The following HNRNPA2B1 variants were observed in gnomAD, a reference collection of about 807,000 sequenced individuals.
HNRNPA2B1 encodes heterogeneous nuclear ribonucleoprotein A2/B1.
A neutral mutation model predicts 46.3 loss-of-function variants in HNRNPA2B1; 3 were observed. That is an observed-to-expected ratio of 0.06 (90% CI 0.03 to 0.17). HNRNPA2B1 has a LOEUF of 0.17. HNRNPA2B1 is among the 10% of genes least tolerant of loss of function. The probability of loss-of-function intolerance (pLI) is 1.00; values close to 1 mark genes in which losing one functional copy is unlikely to be tolerated. For missense variants in HNRNPA2B1, 221 were observed against 418.9 expected (o/e 0.53, Z 4.12); for synonymous variants, 225 against 133.8 (o/e 1.68, Z -4.70).
rs562669302 is a variant in HNRNPA2B1, at chr7:26,197,413, T to G, written c.166A>C (p.Thr56Pro). Reference protein sequence around the residue: ...SKRSRGFGFVTFSSMAEVDAA... With the variant: ...SKRSRGFGFVPFSSMAEVDAA... ...TCAACCTCAGCCATGGATGAAAAAG[T>G]TACAAAACCAAATCCTCTTGATCTT... Residue 56 changes from threonine to proline, a missense_variant, in exon 3 of 11, where the codon ACT (threonine) becomes CCT (proline). By Grantham distance (38) the Thr-to-Pro change is conservative. Around this residue, in one of 2 missense-constraint regions of HNRNPA2B1, gnomAD observed 78 missense variants for 218.5 expected, o/e 0.36. Transcript: ENST00000618183. 1 of 1,614,110 alleles carries G rather than the reference T, an allele frequency of 6.2e-7. No homozygotes were observed. The highest frequency in any genetic ancestry group is 1.3e-5 in the African/African-American group (1 of 75,028).
At position 26,200,672 on chromosome 7, in the gene HNRNPA2B1, T is replaced by A. The variant is rs529241478; in HGVS notation, c.-95A>T. 6.8e-7 allele frequency: 1 copy of A among 1,475,268 alleles called. No homozygotes were observed. Among genetic ancestry groups the A allele is most frequent in the Non-Finnish European group, 9.5e-7 (1 of 1,057,756 alleles). The allele number at this position is 1,475,268 out of a possible 1,614,324, so 91.4% of individuals were successfully genotyped here. On this transcript the variant is annotated 5_prime_UTR_variant, in exon 1 of 11. Transcript: ENST00000618183. ...ACGAACCGGACTCGTCCTGGCGCTG[T>A]AGTGAGAACTGCCGCTGCTCGAGAA... is the stretch of plus-strand genomic sequence containing the variant.
chr7:26,195,518 C>A (rs1325581840), intron 7 of HNRNPA2B1, among the ~76,000 whole-genome samples: 2 of 152,184 alleles, frequency 1.3e-5, no homozygotes, highest in African/African-American at 2.4e-5. Context: ...ATATACCACC[C>A]CCTTAGGTTT....
At chr7:26,199,047 A>ATAGT (rs1319458464) in intron 1 of HNRNPA2B1, 1 of 152,240 alleles carries the variant, frequency 6.6e-6, no homozygotes, top group Non-Finnish European at 1.5e-5. Context: ...ACTTGTCACG[A>ATAGT]TAGTTATTTT....
At chr7:26,197,276 T>C (rs779849323) in intron 3 of HNRNPA2B1, 39 bp downstream of exon 3, 1 of 1,560,780 alleles carries the variant, frequency 6.4e-7, no homozygotes, top group East Asian at 2.3e-5. Flanking sequence ...AGGGCAGCGT[T>C]CTTCATGTTA....
chr7:26,195,750 A>G lies in HNRNPA2B1; in HGVS notation c.721+97T>C, dbSNP rs1303106920. 3.7e-6 allele frequency: 5 copies of G among 1,363,872 alleles called. No individual in the cohort carries two copies. In the Admixed American group the frequency reaches 1.0e-4, roughly 28 times the overall value. The allele number at this position is 1,363,872 out of a possible 1,614,324, so 84.5% of individuals were successfully genotyped here. A position where few individuals can be genotyped will look rare whatever the true frequency, so the allele number is the denominator to read the frequency against. On this transcript the variant is annotated intron_variant, in intron 7 of 10. Coordinates refer to ENST00000618183, the MANE Select transcript of HNRNPA2B1 (RefSeq NM_002137.4). ...ACCCAAGCCATTTATAGACACTAAT[A>G]TAAAATGTTTAAAAACTCAAAATAT...
At chr7:26,193,404 A>G in intron 8 of HNRNPA2B1, 31 bp from the exon 9 acceptor site, 1 of 1,600,996 alleles carries the variant, frequency 6.2e-7, no homozygotes, top group South Asian at 1.1e-5. Flanking sequence ...TCAGAACAAT[A>G]CAAACATTAA....
In HNRNPA2B1 at chr7:26,196,666, G is replaced by T. The variant is rs753120818; in HGVS notation, c.476-8C>A. ...TGGTATGGTATTTCTGCACTGGAATGAAAAATTCAGACTCCTTTTAAATTA... is the reference window on the plus strand; with the variant it reads ...TGGTATGGTATTTCTGCACTGGAATTAAAAATTCAGACTCCTTTTAAATTA... On this transcript the variant is annotated splice_polypyrimidine_tract_variant and splice_region_variant and intron_variant, in intron 4 of 10. Coordinates refer to ENST00000618183, the MANE Select transcript of HNRNPA2B1 (RefSeq NM_002137.4). 1.9e-6 allele frequency: 3 copies of T among 1,604,694 alleles called. No individual in the cohort carries two copies. Among genetic ancestry groups the T allele is most frequent in the South Asian group, 1.1e-5 (1 of 90,140 alleles).
At chr7:26,195,119 AT>A (rs948226608) in intron 7 of HNRNPA2B1, among the ~76,000 whole-genome samples, 2 of 128,666 alleles carry the variant, frequency 1.6e-5, no homozygotes, top group Non-Finnish European at 3.2e-5. Flanking sequence ...AAGAAACCAT[AT>A]TAAAAAAAAA....
rs111941879 is a variant in HNRNPA2B1, at chr7:26,195,972, A to ATT, written c.659-65_659-64dup. 47,497 of 1,534,270 alleles carry ATT rather than the reference A, an allele frequency of 0.031. 855 individuals are homozygous for ATT. The highest frequency in any genetic ancestry group is 0.053 in the Middle Eastern group (301 of 5,702). On this transcript the variant is annotated intron_variant, in intron 6 of 10. Transcript: ENST00000618183. ...CTGTTCAGCATTATTGCTAATATTC[A>ATT]TTTTCAGTTCTCTTACTACCTCAGC...
At chr7:26,193,721 T>C (rs745306574) in intron 7 of HNRNPA2B1, 27 bp from the exon 8 acceptor site, 3 of 1,590,750 alleles carry the variant, frequency 1.9e-6, no homozygotes, top group Non-Finnish European at 1.7e-6. Context: ...CTTTAAGTAA[T>C]CACTTAATAT....
chr7:26,193,557 T>A lies in HNRNPA2B1; in HGVS notation c.841+18A>T, dbSNP rs1222216071. Reference sequence around the variant, plus strand: ...TAATTCCAAATTCCCACATAAAGGTTGCAGGTGAATTTATTACCTCCTCCA... The same window carrying A: ...TAATTCCAAATTCCCACATAAAGGTAGCAGGTGAATTTATTACCTCCTCCA... On this transcript the variant is annotated intron_variant, in intron 8 of 10. Coordinates refer to ENST00000618183, the MANE Select transcript of HNRNPA2B1 (RefSeq NM_002137.4). 6.3e-7 allele frequency: 1 copy of A among 1,574,984 alleles called. No individual in the cohort carries two copies. Among genetic ancestry groups the A allele is most frequent in the Non-Finnish European group, 8.6e-7 (1 of 1,167,536 alleles).
In HNRNPA2B1 at chr7:26,200,599, C is replaced by T. The variant is rs1479628006; in HGVS notation, c.-22G>A. ...CCATCGCGGACTCAGTCGCTTCAGCCCGATTTCCCGCAGCCGAGCGAGATG... is the reference window on the plus strand; with the variant it reads ...CCATCGCGGACTCAGTCGCTTCAGCTCGATTTCCCGCAGCCGAGCGAGATG... On this transcript the variant is annotated 5_prime_UTR_variant, in exon 1 of 11. Transcript: ENST00000618183. The T allele has an allele frequency of 3.7e-6, 6 of 1,613,518 alleles. No individual in the cohort carries two copies. The highest frequency in any genetic ancestry group is 1.6e-4 in the Middle Eastern group (1 of 6,084).
intron 1 of HNRNPA2B1, chr7:26,198,086 T>C (rs1048353554): frequency 2.6e-6 from 1 of 380,998 alleles, no homozygotes; most frequent in Non-Finnish European, 4.6e-6. Flanking sequence ...ATCAAAGGAT[T>C]ATTAAAGAAT....
At chr7:26,195,934 C>T (rs548130427) in intron 6 of HNRNPA2B1, 25 bp from the exon 7 acceptor site, 10 of 1,592,108 alleles carry the variant, frequency 6.3e-6, no homozygotes, top group Admixed American at 3.8e-5. Context: ...AAAAAGATTA[C>T]GTTTACTATA....
Position 26,198,353 on chromosome 7 carries a change from G to A in HNRNPA2B1, c.7-621C>T, listed in dbSNP as rs181698213. 453 of 152,584 alleles carry A rather than the reference G, an allele frequency of 3.0e-3. 1 individual carries two copies. The highest frequency in any genetic ancestry group is 4.9e-3 in the Non-Finnish European group (332 of 68,252). 9.5% of individuals were successfully genotyped at this position (152,584 alleles called of 1,614,324 possible). A position where few individuals can be genotyped will look rare whatever the true frequency, so the allele number is the denominator to read the frequency against. On this transcript the variant is annotated intron_variant, in intron 1 of 10. Transcript: ENST00000618183. Reference sequence around the variant, plus strand: ...CAGTTACGAAAATATTTAAAGATATGCATTAGAAATAACCTTAAAAATTAC... The same window carrying A: ...CAGTTACGAAAATATTTAAAGATATACATTAGAAATAACCTTAAAAATTAC...
intron 1 of HNRNPA2B1, 189 bp downstream of exon 1, chr7:26,200,383 A>AG: frequency 1.5e-6 from 1 of 668,474 alleles, no homozygotes; most frequent in Non-Finnish European, 2.7e-6. Flanking sequence ...CGGGAGGCTG[A>AG]GGGTGGGGAA....
At chr7:26,196,736 G>C in intron 4 of HNRNPA2B1, 71 bp downstream of exon 4, 1 of 1,561,016 alleles carries the variant, frequency 6.4e-7, no homozygotes, top group East Asian at 2.3e-5. Flanking sequence ...TTTCAATAAA[G>C]TTACAGATGT....
At chr7:26,195,211 T>G (rs541924292) in intron 7 of HNRNPA2B1, among the ~76,000 whole-genome samples, 1 of 150,804 alleles carries the variant, frequency 6.6e-6, no homozygotes, top group African/African-American at 2.4e-5. Flanking sequence ...TTATAAAAAG[T>G]AGAACAGTGA....
Position 26,192,982 on chromosome 7 carries a change from G to T in HNRNPA2B1, c.964+269C>A, listed in dbSNP as rs114142296. 8.6e-3 allele frequency among the ~76,000 whole-genome samples: 1,305 copies of T among 152,234 alleles called. 17 individuals are homozygous for T. Among genetic ancestry groups the T allele is most frequent in the African/African-American group, 0.029 (1,213 of 41,528 alleles). On this transcript the variant is annotated intron_variant, in intron 9 of 10. Coordinates refer to ENST00000618183, the MANE Select transcript of HNRNPA2B1 (RefSeq NM_002137.4). ...ATGTATACCACTTGCAATGTGGGTT[G>T]CAACTGTATTTAGCTGTTTATGAGT...
Sources: gnomAD v4.1 joint callset for allele counts (sites outside exome capture counted in the v4.1 genomes callset) on GRCh38, gnomAD v4.1.1 for gene constraint, gnomAD v4.1.1 regional missense constraint, MANE v1.5 for transcripts, NCBI Gene and HGNC (gene_info 2026-07-23, HGNC 2026-07-21) for gene names.